LYPLAL1: variants seen among roughly 807,000 people sequenced by gnomAD.
LYPLAL1 encodes the protein lysophospholipase-like protein 1.
LYPLAL1 carries 23 observed loss-of-function variants against 19.7 expected under a neutral mutation model. The ratio of observed to expected loss-of-function variants is 1.17; its 90% confidence interval spans 0.84 to 1.65. The LOEUF is 1.65. Ranked by LOEUF, LYPLAL1 falls within the 40% of genes most tolerant of loss-of-function variation. The pLI is 0.00. For synonymous variants in LYPLAL1, 119 were observed against 96.3 expected, an observed-to-expected ratio of 1.24 and a Z score of -1.38; for missense variants, 355 against 279.4, an observed-to-expected ratio of 1.27 and a Z score of -1.93.
chr1:219,333,390 T>G, the LYPLAL1 span, among the ~76,000 whole-genome samples: 17 of 151,988 alleles, frequency 1.1e-4, no homozygotes, highest in African/African-American at 4.1e-4. Flanking sequence ...TCTCAGGAGT[T>G]GCACAGTAGG....
the LYPLAL1 span, among the ~76,000 whole-genome samples, chr1:219,327,840 A>G: frequency 6.6e-6 from 1 of 152,124 alleles, no homozygotes; most frequent in Non-Finnish European, 1.5e-5. Flanking sequence ...CCACCATGTA[A>G]GATGTGCCTT....
At position 219,211,691 on chromosome 1, in the gene LYPLAL1, TTACAAAGC is replaced by T. The variant is rs752289862; in HGVS notation, c.679_686del (p.Thr227AlafsTer17). 2 of 1,611,260 alleles carry T rather than the reference TTACAAAGC, an allele frequency of 1.2e-6. No individual in the cohort carries two copies. Among genetic ancestry groups the T allele is most frequent in the Non-Finnish European group, 1.7e-6 (2 of 1,178,782 alleles). ...TTAGACATATTGAAGTTATGGATTC[TTACAAAGC>T]TGCCAGGAGAAATGGAAAAACAAAA... On this transcript the variant is annotated frameshift_variant, in exon 5 of 5. Transcript: ENST00000366928. LOFTEE classifies it low-confidence loss of function (END_TRUNC).
the LYPLAL1 span, among the ~76,000 whole-genome samples, chr1:219,367,609 G>T: frequency 6.6e-6 from 1 of 152,014 alleles, no homozygotes; most frequent in Non-Finnish European, 1.5e-5. Context: ...ATTGGGAAAA[G>T]GATTAAAATA....
At chr1:219,262,776 G>T in the LYPLAL1 span, among the ~76,000 whole-genome samples, 1 of 152,178 alleles carries the variant, frequency 6.6e-6, no homozygotes, top group African/African-American at 2.4e-5. Flanking sequence ...GTCCTTGGTT[G>T]TAGTTATGTT....
the LYPLAL1 span, among the ~76,000 whole-genome samples, chr1:219,241,134 C>CTCTCTCTCTCTATATA: frequency 6.1e-4 from 27 of 44,344 alleles, no homozygotes; most frequent in Non-Finnish European, 9.9e-4. Flanking sequence ...CTCTCTCTCT[C>CTCTCTCTCTCTATATA]TATATATATA....
At position 219,187,999 on chromosome 1, in the gene LYPLAL1, GATTTT is replaced by G. The variant is rs369445329; in HGVS notation, c.192-5080_192-5076del. On this transcript the variant is annotated intron_variant, in intron 2 of 4. Transcript: ENST00000366928. Reference sequence around the variant, plus strand: ...ACTGTTTTCTACAAATCACAGTGTAGATTTTATAAGAGTTAAAGTCAAAATATATT... The same window carrying G: ...ACTGTTTTCTACAAATCACAGTGTAGATAAGAGTTAAAGTCAAAATATATT... Among the ~76,000 whole-genome samples, 5 of 151,876 alleles carry G rather than the reference GATTTT, an allele frequency of 3.3e-5. No individual in the cohort carries two copies. The South Asian group carries it at 8.3e-4, about 25-fold the overall frequency.
chr1:219,383,900 G>A, the LYPLAL1 span, among the ~76,000 whole-genome samples: 1 of 152,142 alleles, frequency 6.6e-6, no homozygotes, highest in Non-Finnish European at 1.5e-5. Context: ...GATTTATGAT[G>A]TCATTTCTGT....
At chr1:219,204,234 A>G (rs1658359659) in intron 3 of LYPLAL1, among the ~76,000 whole-genome samples, 1 of 152,222 alleles carries the variant, frequency 6.6e-6, no homozygotes, top group Non-Finnish European at 1.5e-5. Flanking sequence ...GCAATAGAAT[A>G]GTGACTTTTA....
Position 219,181,055 on chromosome 1 carries a change from AC to A in LYPLAL1, c.191+1811del, listed in dbSNP as rs1041650100. 7.2e-5 allele frequency among the ~76,000 whole-genome samples: 11 copies of A among 152,228 alleles called. 1 individual carries two copies. Among genetic ancestry groups the A allele is most frequent in the African/African-American group, 2.7e-4 (11 of 41,458 alleles). On this transcript the variant is annotated intron_variant, in intron 2 of 4. Coordinates refer to ENST00000366928, the MANE Select transcript of LYPLAL1 (RefSeq NM_138794.5). ...ACATATAAATTTAAATGTTCTTGAT[AC>A]CACATTATAAAAAGGAAGAAATACG...
chr1:219,178,395 A>G (rs1300665633), intron 1 of LYPLAL1, among the ~76,000 whole-genome samples: 4 of 152,182 alleles, frequency 2.6e-5, no homozygotes, highest in Non-Finnish European at 5.9e-5. Flanking sequence ...AGCAGTGAAC[A>G]CAGTGCTTGA....
At chr1:219,260,832 A>T in the LYPLAL1 span, among the ~76,000 whole-genome samples, 1 of 151,696 alleles carries the variant, frequency 6.6e-6, no homozygotes, top group African/African-American at 2.4e-5. Context: ...AGACAAAAAA[A>T]CCTTTAATAG....
the LYPLAL1 span, among the ~76,000 whole-genome samples, chr1:219,265,692 A>G: frequency 6.6e-6 from 1 of 152,166 alleles, no homozygotes; most frequent in Admixed American, 6.6e-5. Flanking sequence ...AATTGTGCAA[A>G]CATCATAGAG....
At chr1:219,285,314 G>A in the LYPLAL1 span, among the ~76,000 whole-genome samples, 1 of 152,140 alleles carries the variant, frequency 6.6e-6, no homozygotes. Context: ...ATGGACTGCT[G>A]TATAATACAA....
At chr1:219,204,230 G>C (rs1658358989) in intron 3 of LYPLAL1, among the ~76,000 whole-genome samples, 2 of 152,148 alleles carry the variant, frequency 1.3e-5, no homozygotes, top group Non-Finnish European at 2.9e-5. Flanking sequence ...ACAGGCAATA[G>C]AATAGTGACT....
the LYPLAL1 span, among the ~76,000 whole-genome samples, chr1:219,349,447 G>T: frequency 6.6e-6 from 1 of 152,180 alleles, no homozygotes; most frequent in African/African-American, 2.4e-5. Flanking sequence ...GACTGTTAAT[G>T]AAGCATAATT....
chr1:219,240,264 A>C, the LYPLAL1 span, among the ~76,000 whole-genome samples: 1 of 152,226 alleles, frequency 6.6e-6, no homozygotes, highest in African/African-American at 2.4e-5. Flanking sequence ...AATATAACTT[A>C]TAAATATCTG....
chr1:219,362,786 A>T, the LYPLAL1 span, among the ~76,000 whole-genome samples: 2 of 152,218 alleles, frequency 1.3e-5, no homozygotes, highest in East Asian at 1.9e-4. Context: ...GTTCTATTTT[A>T]GTAAGAGGAG....
chr1:219,318,579 T>C, the LYPLAL1 span, among the ~76,000 whole-genome samples: 1 of 152,186 alleles, frequency 6.6e-6, no homozygotes, highest in East Asian at 1.9e-4. Flanking sequence ...TGAAGCTCTC[T>C]GATTAGAAAA....
intron 3 of LYPLAL1, among the ~76,000 whole-genome samples, chr1:219,197,742 A>G (rs913246823): frequency 6.6e-6 from 1 of 152,202 alleles, no homozygotes; most frequent in African/African-American, 2.4e-5. Flanking sequence ...ACCAAGGTCT[A>G]ATATCCAGAA....
Sources: gnomAD v4.1 joint callset for allele counts (sites outside exome capture counted in the v4.1 genomes callset) on GRCh38, gnomAD v4.1.1 for gene constraint, MANE v1.5 for transcripts, NCBI Gene and HGNC (gene_info 2026-07-23, HGNC 2026-07-21) for gene names.